The following SNX29 variants were observed in gnomAD, a reference collection of about 807,000 sequenced individuals.
SNX29 encodes sorting nexin-29.
SNX29 carries 78 observed loss-of-function variants against 102.1 expected under a neutral mutation model. The observed-to-expected ratio is 0.76, with a 90% CI of 0.64 to 0.92. The LOEUF (loss-of-function observed/expected upper bound fraction) is 0.92. SNX29 is among the 40% of genes least tolerant of loss of function. SNX29 has a pLI of 0.00. For missense variants in SNX29, 1,280 were observed against 1,061.7 expected (o/e 1.21, Z -2.86); for synonymous variants, 580 against 414.5 (o/e 1.40, Z -4.85).
intron 18 of SNX29, among the ~76,000 whole-genome samples, chr16:12,424,900 C>A (rs953831924): frequency 2.6e-5 from 4 of 152,212 alleles, no homozygotes; most frequent in African/African-American, 9.7e-5. Context: ...TAATACTAAT[C>A]AACCACATCA....
chr16:12,329,734 C>G (rs536691171), intron 15 of SNX29, among the ~76,000 whole-genome samples: 2 of 152,350 alleles, frequency 1.3e-5, no homozygotes, highest in Non-Finnish European at 1.5e-5. Flanking sequence ...TCAGATCACT[C>G]AGGTGGGATT....
chr16:12,226,699 G>A (rs144836213), intron 14 of SNX29, among the ~76,000 whole-genome samples: 2,673 of 151,208 alleles, frequency 0.018, 95 homozygotes, highest in African/African-American at 0.062. Flanking sequence ...TCAGCCTCCC[G>A]AGTAGCCGGG....
intron 20 of SNX29, among the ~76,000 whole-genome samples, chr16:12,548,769 C>A (rs767036980): frequency 6.6e-5 from 10 of 152,146 alleles, no homozygotes; most frequent in Non-Finnish European, 1.0e-4. Flanking sequence ...ATCTCTCATC[C>A]CCCAGCCACC....
At chr16:12,554,310 T>C (rs1301351474) in intron 20 of SNX29, among the ~76,000 whole-genome samples, 4 of 152,234 alleles carry the variant, frequency 2.6e-5, no homozygotes, top group African/African-American at 9.6e-5. Context: ...GGTTTCAGTT[T>C]TAACTAAAAT....
chr16:12,413,675 T>C (rs1346309851), intron 18 of SNX29, among the ~76,000 whole-genome samples: 1 of 152,138 alleles, frequency 6.6e-6, no homozygotes, highest in Non-Finnish European at 1.5e-5. Flanking sequence ...TCCTCTCTCC[T>C]GTTGAGTCGT....
At chr16:12,006,963 A>G (rs2056475893) in intron 3 of SNX29, among the ~76,000 whole-genome samples, 1 of 152,176 alleles carries the variant, frequency 6.6e-6, no homozygotes, top group African/African-American at 2.4e-5. Flanking sequence ...AGAGAGGCAA[A>G]ATGCCATAGC....
intron 20 of SNX29, among the ~76,000 whole-genome samples, chr16:12,540,451 C>G (rs34393429): frequency 6.6e-6 from 1 of 152,320 alleles, no homozygotes; most frequent in East Asian, 1.9e-4. Flanking sequence ...GCCAGAAGTC[C>G]GAGATCCGTC....
chr16:12,054,994 C>G (rs1013439729), intron 8 of SNX29, among the ~76,000 whole-genome samples: 1 of 152,140 alleles, frequency 6.6e-6, no homozygotes, highest in African/African-American at 2.4e-5. Context: ...AGCTTTTCAG[C>G]AGCCTTGTTC....
chr16:12,225,996 G>A (rs901548880), intron 14 of SNX29, among the ~76,000 whole-genome samples: 3 of 152,124 alleles, frequency 2.0e-5, no homozygotes, highest in Admixed American at 1.3e-4. Flanking sequence ...CTCATCCTCC[G>A]GCATTCTAGC....
chr16:12,242,585 C>T (rs2078141147), intron 14 of SNX29, among the ~76,000 whole-genome samples: 1 of 148,576 alleles, frequency 6.7e-6, no homozygotes, highest in African/African-American at 2.6e-5. Flanking sequence ...TTCTTTTCTT[C>T]TTCTCTTCTT....
intron 11 of SNX29, among the ~76,000 whole-genome samples, chr16:12,090,973 C>T (rs1183741804): frequency 7.5e-6 from 1 of 132,510 alleles, no homozygotes; most frequent in Non-Finnish European, 1.5e-5. Flanking sequence ...CAAGATCACA[C>T]CACTGCACTC....
At chr16:12,522,176 A>C (rs1443903836) in intron 19 of SNX29, among the ~76,000 whole-genome samples, 1 of 152,220 alleles carries the variant, frequency 6.6e-6, no homozygotes, top group African/African-American at 2.4e-5. Flanking sequence ...ATAAACCAAT[A>C]ATTTTGTAGT....
At position 12,573,866 on chromosome 16, in the gene SNX29, T is replaced by TA. The variant is rs1247048896; in HGVS notation, c.*5237_*5238insA. 4 of 210,028 alleles carry TA rather than the reference T, an allele frequency of 1.9e-5. No homozygotes were observed. The East Asian group carries it at 2.1e-4, about 11-fold the overall frequency. The allele number at this position is 210,028 out of a possible 1,614,324, so 13.0% of individuals were successfully genotyped here. A position where few individuals can be genotyped will look rare whatever the true frequency, so the allele number is the denominator to read the frequency against. ...TCATCCTAAGAAGAATGTTGGCCTCTCTTCATCCCTGGCTTAGCCGTCAGG... is the reference window on the plus strand; with the variant it reads ...TCATCCTAAGAAGAATGTTGGCCTCTACTTCATCCCTGGCTTAGCCGTCAGG... On this transcript the variant is annotated 3_prime_UTR_variant, in exon 21 of 21. Transcript: ENST00000566228.
rs1310643131 is a variant in SNX29, at chr16:12,089,535, GT to G, written c.1402+10624del. Among the ~76,000 whole-genome samples the G allele has an allele frequency of 5.3e-5, 8 of 152,144 alleles. No homozygotes were observed. The East Asian group carries it at 1.5e-3, about 29-fold the overall frequency. ...ATTAGAAAGGCAAAGCCTATGCCCTGTTTTAAGGCATGTTTCAGGAAAGGGC... is the reference window on the plus strand; with the variant it reads ...ATTAGAAAGGCAAAGCCTATGCCCTGTTTAAGGCATGTTTCAGGAAAGGGC... On this transcript the variant is annotated intron_variant, in intron 11 of 20. Coordinates refer to ENST00000566228, the MANE Select transcript of SNX29 (RefSeq NM_032167.5).
chr16:12,016,467 T>C (rs563578645), intron 3 of SNX29, among the ~76,000 whole-genome samples: 2 of 152,350 alleles, frequency 1.3e-5, no homozygotes, highest in Admixed American at 1.3e-4. Context: ...AGAGTGTCAT[T>C]GCTAGGTTGT....
chr16:12,268,599 T>C (rs1042663563), intron 14 of SNX29, among the ~76,000 whole-genome samples: 16 of 152,326 alleles, frequency 1.1e-4, no homozygotes, highest in Admixed American at 2.6e-4. Flanking sequence ...CCTTCGGAAC[T>C]GTAAAGTGTC....
chr16:12,343,185 C>A (rs1232561610), intron 15 of SNX29, among the ~76,000 whole-genome samples: 1 of 152,172 alleles, frequency 6.6e-6, no homozygotes, highest in Non-Finnish European at 1.5e-5. Context: ...GACATGAGAA[C>A]ACGACAAAGA....
intron 14 of SNX29, among the ~76,000 whole-genome samples, chr16:12,221,117 T>C (rs1231754516): frequency 7.2e-6 from 1 of 138,916 alleles, no homozygotes; most frequent in African/African-American, 3.4e-5. Flanking sequence ...TTTTTTTTTC[T>C]TCTTCTTCTT....
chr16:12,545,277 G>A (rs2077539266), intron 20 of SNX29, among the ~76,000 whole-genome samples: 1 of 152,220 alleles, frequency 6.6e-6, no homozygotes, highest in East Asian at 1.9e-4. Flanking sequence ...TGAGAAATTG[G>A]TTTGCCACTT....
Sources: gnomAD v4.1 joint callset for allele counts (sites outside exome capture counted in the v4.1 genomes callset) on GRCh38, gnomAD v4.1.1 for gene constraint, MANE v1.5 for transcripts, NCBI Gene and HGNC (gene_info 2026-07-23, HGNC 2026-07-21) for gene names.